Variants in ZNF385C observed in about 807,000 individuals in gnomAD.
ZNF385C encodes zinc finger protein 385C, also known as CTD-2132N18.2.
Under a neutral mutation model 35.4 loss-of-function variants are expected in ZNF385C, and 28 were observed. The observed-to-expected ratio is 0.79, with a 90% confidence interval of 0.59 to 1.08. ZNF385C has a LOEUF of 1.08. ZNF385C is among the 50% of genes least tolerant of loss of function. The probability of loss-of-function intolerance (pLI) is 0.00; values close to 1 mark genes in which losing one functional copy is unlikely to be tolerated. For synonymous variants in ZNF385C, 248 were observed against 248.2 expected, an observed-to-expected ratio of 1.00 and a Z score of 0.01; for missense variants, 605 against 595.6, an observed-to-expected ratio of 1.02 and a Z score of -0.16.
In ZNF385C at chr17:42,040,513, G is replaced by T. The variant is rs1567986681; in HGVS notation, c.251-2628C>A. On this transcript the variant is annotated intron_variant, in intron 2 of 8. Coordinates refer to ENST00000692273, the MANE Select transcript of ZNF385C (RefSeq NM_001392013.1). ...GGAGAGCTTCTGCACAGAGGGCAGG[G>T]CATCCAGCAGCAGGTGGGTGAAGGC... The T allele has an allele frequency of 2.4e-6, 3 of 1,232,808 alleles. No individual in the cohort carries two copies. The South Asian group carries it at 1.2e-4, about 51-fold the overall frequency. The allele number at this position is 1,232,808 out of a possible 1,614,324, so 76.4% of individuals were successfully genotyped here. A position where few individuals can be genotyped will look rare whatever the true frequency, so the allele number is the denominator to read the frequency against.
chr17:42,080,170 C>T (rs1276435113), intron 1 of ZNF385C, among the ~76,000 whole-genome samples: 1 of 152,172 alleles, frequency 6.6e-6, no homozygotes, highest in Admixed American at 6.5e-5. Context: ...TTGCAGCATT[C>T]TAGAAGGCAG....
chr17:42,027,396 GCCCACCCCTCACT>G (rs1179297445), intron 8 of ZNF385C, among the ~76,000 whole-genome samples: 15 of 151,882 alleles, frequency 9.9e-5, no homozygotes, highest in Admixed American at 5.2e-4. Flanking sequence ...GGAGATGCAC[GCCCACCCCTCACT>G]CTTGCCCCTA....
intron 1 of ZNF385C, among the ~76,000 whole-genome samples, chr17:42,092,047 T>C (rs2053868030): frequency 6.6e-6 from 1 of 152,190 alleles, no homozygotes; most frequent in Non-Finnish European, 1.5e-5. Flanking sequence ...CAGGTTCTGC[T>C]AGAAGATTGA....
chr17:42,064,132 C>T (rs1004179389), intron 1 of ZNF385C, among the ~76,000 whole-genome samples: 3 of 133,878 alleles, frequency 2.2e-5, no homozygotes, highest in Non-Finnish European at 5.1e-5. Context: ...TCTGTCTCTT[C>T]GGGACCCTCA....
Sources: allele counts gnomAD v4.1 joint callset (sites outside exome capture counted in the v4.1 genomes callset), GRCh38; gene constraint gnomAD v4.1.1; transcripts MANE v1.5; gene names NCBI Gene and HGNC (gene_info 2026-07-23, HGNC 2026-07-21).